The following ARFIP1 variants were observed in gnomAD, a reference collection of about 807,000 sequenced individuals.
ARFIP1 encodes the protein arfaptin-1.
ARFIP1 carries 24 observed loss-of-function variants against 42.5 expected under a neutral mutation model. The observed-to-expected ratio is 0.57, with a 90% CI of 0.41 to 0.80. The LOEUF is 0.80. Among genes scored for constraint, ARFIP1 ranks in the 30% least tolerant of loss-of-function variants. The probability of loss-of-function intolerance (pLI) is 0.00; values close to 1 mark genes in which losing one functional copy is unlikely to be tolerated. For synonymous variants in ARFIP1, 141 were observed against 153.7 expected (o/e 0.92, Z 0.61); for missense variants, 354 against 434.0 (o/e 0.82, Z 1.64).
chr4:152,815,473 G>T (rs1005215683), intron 1 of ARFIP1, among the ~76,000 whole-genome samples: 2 of 152,152 alleles, frequency 1.3e-5, no homozygotes, highest in Non-Finnish European at 2.9e-5. Flanking sequence ...TGGACCTCAG[G>T]CTCATAAATC....
intron 8 of ARFIP1, among the ~76,000 whole-genome samples, chr4:152,897,166 T>C (rs1324680704): frequency 2.0e-5 from 3 of 152,134 alleles, no homozygotes; most frequent in Non-Finnish European, 2.9e-5. Flanking sequence ...CCAAAAAGAA[T>C]TGTGAGTTGT....
chr4:152,898,568 A>T (rs1041427736), intron 8 of ARFIP1, among the ~76,000 whole-genome samples: 1 of 152,188 alleles, frequency 6.6e-6, no homozygotes, highest in Admixed American at 6.5e-5. Context: ...AGGTATTATC[A>T]CAGACTGCCT....
chr4:152,859,902 T>G (rs1301660710), intron 2 of ARFIP1, among the ~76,000 whole-genome samples: 2 of 151,422 alleles, frequency 1.3e-5, no homozygotes, highest in Non-Finnish European at 2.9e-5. Flanking sequence ...CATCTAGGCA[T>G]GCTCTAATAT....
intron 1 of ARFIP1, among the ~76,000 whole-genome samples, chr4:152,790,215 G>A (rs1731067251): frequency 6.6e-6 from 1 of 151,988 alleles, no homozygotes; most frequent in Non-Finnish European, 1.5e-5. Flanking sequence ...ATTTTACATG[G>A]TTTTGGGAAT....
In ARFIP1 at chr4:152,910,357, C is replaced by CT. The variant is rs1561191076; in HGVS notation, c.*143dup. 8.1e-6 allele frequency: 8 copies of CT among 987,098 alleles called. No homozygotes were observed. The South Asian group carries it at 1.3e-4, about 16-fold the overall frequency. 61.1% of individuals were successfully genotyped at this position (987,098 alleles called of 1,614,324 possible). On this transcript the variant is annotated 3_prime_UTR_variant, in exon 9 of 9. Transcript: ENST00000353617. ...TTGCACAAACAGCTTTAATTTTTCC[C>CT]TTTTTCATACTTTAACAATTGAACT...
chr4:152,799,726 G>T (rs1048710299), intron 1 of ARFIP1, among the ~76,000 whole-genome samples: 1 of 151,796 alleles, frequency 6.6e-6, no homozygotes, highest in African/African-American at 2.4e-5. Context: ...TCAGATCTCT[G>T]AATCTATCCT....
chr4:152,832,608 T>TTC (rs1280591535), intron 2 of ARFIP1, among the ~76,000 whole-genome samples: 1 of 152,226 alleles, frequency 6.6e-6, no homozygotes, highest in African/African-American at 2.4e-5. Context: ...TCTCAGTGTT[T>TTC]CCTTCTGTAG....
At chr4:152,903,395 T>A (rs1009058341) in intron 8 of ARFIP1, among the ~76,000 whole-genome samples, 1 of 151,902 alleles carries the variant, frequency 6.6e-6, no homozygotes, top group Admixed American at 6.6e-5. Context: ...TGTTTTGTTA[T>A]AAGCCAAATT....
intron 1 of ARFIP1, among the ~76,000 whole-genome samples, chr4:152,804,580 A>G (rs1434658401): frequency 6.9e-6 from 1 of 144,996 alleles, no homozygotes; most frequent in Non-Finnish European, 1.5e-5. Context: ...ATAAAGATTA[A>G]AAACTTAAAC....
chr4:152,817,100 G>A (rs1729955992), intron 1 of ARFIP1, among the ~76,000 whole-genome samples: 1 of 152,190 alleles, frequency 6.6e-6, no homozygotes, highest in South Asian at 2.1e-4. Context: ...TAGGTATATA[G>A]TAAATACCTG....
At chr4:152,808,647 G>A (rs1164009288) in intron 1 of ARFIP1, among the ~76,000 whole-genome samples, 1 of 152,010 alleles carries the variant, frequency 6.6e-6, no homozygotes, top group African/African-American at 2.4e-5. Context: ...CTACTACTTG[G>A]TTTTGTCAGT....
At chr4:152,867,819 A>G (rs75461450) in intron 3 of ARFIP1, among the ~76,000 whole-genome samples, 1,809 of 152,252 alleles carry the variant, frequency 0.012, 42 homozygotes, top group African/African-American at 0.041. Flanking sequence ...TGAGTTTGTA[A>G]AACATTTTAA....
chr4:152,820,356 AC>A (rs1173165302), intron 1 of ARFIP1, among the ~76,000 whole-genome samples: 25 of 152,320 alleles, frequency 1.6e-4, no homozygotes, highest in African/African-American at 6.0e-4. Flanking sequence ...CTACTGGGGA[AC>A]AATAAGCTTC....
chr4:152,830,540 A>G (rs542521345), intron 2 of ARFIP1, among the ~76,000 whole-genome samples: 1 of 152,208 alleles, frequency 6.6e-6, no homozygotes, highest in Non-Finnish European at 1.5e-5. Context: ...GTTGAAATGT[A>G]CTTAAATTAT....
intron 2 of ARFIP1, among the ~76,000 whole-genome samples, chr4:152,851,464 G>T (rs553995998): frequency 1.9e-4 from 29 of 152,346 alleles, no homozygotes; most frequent in African/African-American, 7.0e-4. Flanking sequence ...TTGGAATGGA[G>T]AATGTGAGGG....
chr4:152,836,442 G>GA (rs1203759732), intron 2 of ARFIP1, among the ~76,000 whole-genome samples: 2 of 152,110 alleles, frequency 1.3e-5, no homozygotes, highest in African/African-American at 4.8e-5. Flanking sequence ...AAAGCTGGGA[G>GA]AAAAAAAGAC....
chr4:152,796,266 A>G (rs1343458797), intron 1 of ARFIP1: 1 of 1,028,300 alleles, frequency 9.7e-7, no homozygotes, highest in Non-Finnish European at 1.5e-6. Flanking sequence ...ATTGGTAGGC[A>G]AAAGGTGGCT....
intron 2 of ARFIP1, among the ~76,000 whole-genome samples, chr4:152,835,877 A>C (rs1157800238): frequency 6.6e-6 from 1 of 152,190 alleles, no homozygotes. Context: ...AGTGGTAGGT[A>C]AAAGGGGAGC....
intron 8 of ARFIP1, among the ~76,000 whole-genome samples, chr4:152,905,154 A>G (rs1397010559): frequency 1.3e-5 from 2 of 152,240 alleles, no homozygotes; most frequent in Admixed American, 6.5e-5. Context: ...AAGTACAGCT[A>G]TTATGAACTT....
Sources: gnomAD v4.1 joint callset for allele counts (sites outside exome capture counted in the v4.1 genomes callset) on GRCh38, gnomAD v4.1.1 for gene constraint, MANE v1.5 for transcripts, NCBI Gene and HGNC (gene_info 2026-07-23, HGNC 2026-07-21) for gene names.